The following NUDT13 variants were observed in gnomAD, a reference collection of about 807,000 sequenced individuals.
The protein encoded by NUDT13 is NAD(P)H pyrophosphatase NUDT13, mitochondrial.
A neutral mutation model predicts 41.7 loss-of-function variants in NUDT13; 40 were observed. The observed-to-expected ratio is 0.96, with a 90% confidence interval of 0.75 to 1.25. The LOEUF (loss-of-function observed/expected upper bound fraction) is 1.25. Ranked by LOEUF, NUDT13 falls within the 50% of genes most tolerant of loss-of-function variation. The pLI is 0.00. For synonymous variants in NUDT13, 145 were observed against 155.5 expected (o/e 0.93, Z 0.50); for missense variants, 390 against 416.1 (o/e 0.94, Z 0.55).
In NUDT13 at chr10:73,131,101, G is replaced by C; in HGVS notation, c.*198G>C. 1 of 478,160 alleles carries C rather than the reference G, an allele frequency of 2.1e-6. No individual in the cohort carries two copies. Among genetic ancestry groups the C allele is most frequent in the East Asian group, 3.7e-5 (1 of 27,164 alleles). The allele number at this position is 478,160 out of a possible 1,614,324, so 29.6% of individuals were successfully genotyped here. A position where few individuals can be genotyped will look rare whatever the true frequency, so the allele number is the denominator to read the frequency against. On this transcript the variant is annotated 3_prime_UTR_variant, in exon 9 of 9. Transcript: ENST00000357321. The stretch of plus-strand genomic sequence containing the variant: ...TACCAATGGGCAATCAAAAAAGCCA[G>C]TGTGAGAAGAAAACTGATGAGCTGT...
At position 73,130,867 on chromosome 10, in the gene NUDT13, G is replaced by A. The variant is rs770621297; in HGVS notation, c.1023G>A (p.Trp341Ter). Residue 341 changes from tryptophan (W) to a stop codon, truncating the protein, a stop_gained, in exon 9 of 9, where the codon TGG (tryptophan) becomes TGA (stop). Transcript: ENST00000357321. LOFTEE classifies it high-confidence loss of function. ...TCTCCCACCAACTGATTAAGGAGTG[G>A]GTGGAAAAACAGACCTGTTCTTCCC... ...LAISHQLIKEWVEKQTCSSLP... is the reference protein window; with the variant it reads ...LAISHQLIKE The A allele has an allele frequency of 1.6e-5, 26 of 1,613,646 alleles. No homozygotes were observed. The highest frequency in any genetic ancestry group is 5.5e-5 in the South Asian group (5 of 91,038).
At chr10:73,126,533 A>G (rs765093415) in intron 7 of NUDT13, 140 bp from the exon 8 acceptor site, 131 of 860,366 alleles carry the variant, frequency 1.5e-4, no homozygotes, top group Non-Finnish European at 2.2e-4. Context: ...TTATTGTTGG[A>G]ATGACTCAGA....
At chr10:73,118,635 C>T (rs2133210009) in intron 2 of NUDT13, among the ~76,000 whole-genome samples, 1 of 152,214 alleles carries the variant, frequency 6.6e-6, no homozygotes. Flanking sequence ...TTTGAGAAAC[C>T]AAGAATAGGA....
At chr10:73,111,651 A>G (rs1367754691) in intron 1 of NUDT13, among the ~76,000 whole-genome samples, 1 of 152,246 alleles carries the variant, frequency 6.6e-6, no homozygotes, top group Non-Finnish European at 1.5e-5. Flanking sequence ...TTTTAAAAAC[A>G]TAAATAGCTC....
In NUDT13 at chr10:73,125,651, T is replaced by TTATA. The variant is rs57047791; in HGVS notation, c.703+165_703+168dup. On this transcript the variant is annotated intron_variant, in intron 7 of 8. Coordinates refer to ENST00000357321, the MANE Select transcript of NUDT13 (RefSeq NM_015901.6). ...GTCAAGAAAACTGCTTTCTGGCATT[T>TTATA]TATATATATATATATATATATATAT... 1,308 of 196,504 alleles carry TTATA rather than the reference T, an allele frequency of 6.7e-3. 13 individuals carry two copies. The highest frequency in any genetic ancestry group is 8.8e-3 in the Non-Finnish European group (915 of 103,540). The allele number at this position is 196,504 out of a possible 1,614,324, so 12.2% of individuals were successfully genotyped here.
chr10:73,116,001 AT>A (rs56807003), intron 2 of NUDT13, among the ~76,000 whole-genome samples: 24,365 of 151,026 alleles, frequency 0.16, 3,153 homozygotes, highest in African/African-American at 0.34. Flanking sequence ...CTAAGAAATA[AT>A]TTTTTTTTCT....
At chr10:73,115,815 G>GTGA (rs1224158494) in intron 2 of NUDT13, among the ~76,000 whole-genome samples, 5 of 151,970 alleles carry the variant, frequency 3.3e-5, no homozygotes, top group African/African-American at 1.2e-4. Flanking sequence ...CTAAACTTCA[G>GTGA]TGAAAGGTAG....
intron 1 of NUDT13, among the ~76,000 whole-genome samples, chr10:73,110,778 T>C (rs1311135751): frequency 6.6e-6 from 1 of 152,240 alleles, no homozygotes; most frequent in Non-Finnish European, 1.5e-5. Flanking sequence ...CATTTTCTGA[T>C]ACTTTTTTGG....
At chr10:73,115,799 C>T (rs1429890276) in intron 2 of NUDT13, among the ~76,000 whole-genome samples, 3 of 152,064 alleles carry the variant, frequency 2.0e-5, no homozygotes, top group Non-Finnish European at 4.4e-5. Context: ...CCCCTTCCCC[C>T]AAGAACTAAA....
rs1302408084 is a variant in NUDT13 at position 73,131,319 on chromosome 10, G to C, written c.*416G>C. 5.4e-6 allele frequency: 1 copy of C among 183,850 alleles called. No homozygotes were observed. Among genetic ancestry groups the C allele is most frequent in the Non-Finnish European group, 1.2e-5 (1 of 85,146 alleles). 11.4% of individuals were successfully genotyped at this position (183,850 alleles called of 1,614,324 possible). A position where few individuals can be genotyped will look rare whatever the true frequency, so the allele number is the denominator to read the frequency against. On this transcript the variant is annotated 3_prime_UTR_variant, in exon 9 of 9. Transcript: ENST00000357321. ...TTTATCTTAGTATTGAAAATATATA[G>C]CAAGTTTTAAGTCATTACTGAGTTA...
rs576251344 is a variant in NUDT13, at chr10:73,129,835, C to T, written c.859-868C>T. ...TCTACTAAAAATACAAAGAAATTAG[C>T]CAGGTGTGGTGGCGGGTGCCTGTAA... On this transcript the variant is annotated intron_variant, in intron 8 of 8. Transcript: ENST00000357321. Among the ~76,000 whole-genome samples, 313 of 151,854 alleles carry T rather than the reference C, an allele frequency of 2.1e-3. 2 individuals are homozygous for T. The highest frequency in any genetic ancestry group is 7.3e-3 in the African/African-American group (303 of 41,392).
intron 2 of NUDT13, among the ~76,000 whole-genome samples, chr10:73,115,454 G>C (rs947586605): frequency 6.6e-6 from 1 of 151,878 alleles, no homozygotes. Flanking sequence ...GATTACAGGC[G>C]TAAGTCACCA....
intron 5 of NUDT13, 21 bp from the exon 6 acceptor site, chr10:73,125,097 G>C (rs752818788): frequency 6.3e-7 from 1 of 1,597,514 alleles, no homozygotes; most frequent in East Asian, 2.2e-5. Context: ...AATGACACCA[G>C]GCCCATCATT....
chr10:73,122,488 G>T (rs927191984), intron 4 of NUDT13, among the ~76,000 whole-genome samples, 179 bp downstream of exon 4: 2 of 152,092 alleles, frequency 1.3e-5, no homozygotes, highest in African/African-American at 4.8e-5. Context: ...GACAATAAAG[G>T]ACATTTTAAT....
At position 73,114,347 on chromosome 10, in the gene NUDT13, T is replaced by TC; in HGVS notation, c.-9-10_-9-9insC. ...GACTTTTTTTAAAACTCCTTTTTTT[T>TC]TTTTTTAAGGACCTGACAATGTCCC... is the stretch of plus-strand genomic sequence containing the variant. On this transcript the variant is annotated splice_polypyrimidine_tract_variant and intron_variant, in intron 1 of 8. Coordinates refer to ENST00000357321, the MANE Select transcript of NUDT13 (RefSeq NM_015901.6). The TC allele has an allele frequency of 6.9e-7, 1 of 1,441,244 alleles. No individual in the cohort carries two copies. Among genetic ancestry groups the TC allele is most frequent in the Non-Finnish European group, 9.4e-7 (1 of 1,058,738 alleles). The allele number at this position is 1,441,244 out of a possible 1,614,324, so 89.3% of individuals were successfully genotyped here.
chr10:73,129,872 C>T (rs1257787557), intron 8 of NUDT13, among the ~76,000 whole-genome samples: 1 of 150,852 alleles, frequency 6.6e-6, no homozygotes, highest in Non-Finnish European at 1.5e-5. Context: ...CCCAGCTACT[C>T]GGGAGGCTGA....
chr10:73,110,832 C>G (rs997793578), intron 1 of NUDT13, among the ~76,000 whole-genome samples: 8 of 152,000 alleles, frequency 5.3e-5, no homozygotes, highest in Non-Finnish European at 7.4e-5. Flanking sequence ...CACATTGTGC[C>G]TTAATTTTTA....
chr10:73,123,653 A>T (rs1249545047), intron 4 of NUDT13, among the ~76,000 whole-genome samples: 1 of 151,986 alleles, frequency 6.6e-6, no homozygotes, highest in African/African-American at 2.4e-5. Flanking sequence ...CTTTTTAAAA[A>T]AATTTTATGT....
At chr10:73,116,011 CT>C (rs1259180141) in intron 2 of NUDT13, among the ~76,000 whole-genome samples, 1 of 149,954 alleles carries the variant, frequency 6.7e-6, no homozygotes, top group Admixed American at 6.6e-5. Flanking sequence ...ATTTTTTTTT[CT>C]TTTTTTTCTT....
Sources: allele counts gnomAD v4.1 joint callset (sites outside exome capture counted in the v4.1 genomes callset), GRCh38; gene constraint gnomAD v4.1.1; transcripts MANE v1.5; gene names NCBI Gene and HGNC (gene_info 2026-07-23, HGNC 2026-07-21).